The following USH2A variants were observed in gnomAD, a reference collection of about 807,000 sequenced individuals.
The protein encoded by USH2A is Usher syndrome 2A (autosomal recessive, mild).
USH2A carries 443 observed loss-of-function variants against 538.9 expected under a neutral mutation model. The ratio of observed to expected loss-of-function variants is 0.82; its 90% CI spans 0.76 to 0.89. The LOEUF is 0.89. Among genes scored for constraint, USH2A ranks in the 40% least tolerant of loss-of-function variants. The pLI is 0.00. For synonymous variants in USH2A, 2,413 were observed against 2,273.5 expected, an observed-to-expected ratio of 1.06 and a Z score of -1.75; for missense variants, 6,633 against 6,324.8, an observed-to-expected ratio of 1.05 and a Z score of -1.65.
rs576281877 is a variant in USH2A, at chr1:216,215,985, G to A, written c.3157+1402C>T. Among the ~76,000 whole-genome samples, 193 of 152,182 alleles carry A rather than the reference G, an allele frequency of 1.3e-3. 1 individual carries two copies. Among genetic ancestry groups the A allele is most frequent in the African/African-American group, 4.5e-3 (185 of 41,544 alleles). On this transcript the variant is annotated intron_variant, in intron 15 of 71. Coordinates refer to ENST00000307340, the MANE Select transcript of USH2A (RefSeq NM_206933.4). ...GAAGGAATAGGTAGCAAAAAGTAGA[G>A]CAGGTGCCAATATTGTCACAAAATT...
At chr1:215,929,861 A>T (rs974159003) in intron 38 of USH2A, among the ~76,000 whole-genome samples, 6 of 152,086 alleles carry the variant, frequency 3.9e-5, no homozygotes, top group Admixed American at 2.0e-4. Context: ...GATGTGCCTA[A>T]GTTTTACTTC....
At chr1:215,686,577 T>G (rs1658429450) in intron 61 of USH2A, among the ~76,000 whole-genome samples, 1 of 152,020 alleles carries the variant, frequency 6.6e-6, no homozygotes, top group East Asian at 1.9e-4. Flanking sequence ...ACTGCATTTG[T>G]TAGGAAACAA....
chr1:216,345,706 T>C (rs953787059), intron 4 of USH2A, among the ~76,000 whole-genome samples: 1 of 152,114 alleles, frequency 6.6e-6, no homozygotes, highest in Non-Finnish European at 1.5e-5. Context: ...GAGGGGTACC[T>C]TAGGATAGAA....
At chr1:216,149,979 C>T (rs912500517) in intron 21 of USH2A, among the ~76,000 whole-genome samples, 2 of 152,114 alleles carry the variant, frequency 1.3e-5, no homozygotes, top group Admixed American at 6.5e-5. Flanking sequence ...TAAACTCACT[C>T]GTATTTCTGA....
chr1:216,369,815 C>T (rs144014205), intron 3 of USH2A, among the ~76,000 whole-genome samples: 1,654 of 149,692 alleles, frequency 0.011, 39 homozygotes, highest in African/African-American at 0.039. Context: ...CCCAGCTACT[C>T]GGGAGGCTGA....
chr1:216,020,610 C>A (rs1392550351), intron 32 of USH2A, among the ~76,000 whole-genome samples: 3 of 152,060 alleles, frequency 2.0e-5, no homozygotes, highest in Non-Finnish European at 2.9e-5. Context: ...TGTCAGACGG[C>A]CCCTAGACTA....
intron 30 of USH2A, among the ~76,000 whole-genome samples, chr1:216,065,694 C>A (rs956121733): frequency 3.3e-5 from 5 of 151,918 alleles, no homozygotes; most frequent in African/African-American, 1.2e-4. Context: ...GTCAGGAGTT[C>A]GAGACCAGCC....
At chr1:215,963,921 G>A (rs1667265194) in intron 37 of USH2A, among the ~76,000 whole-genome samples, 1 of 152,100 alleles carries the variant, frequency 6.6e-6, no homozygotes, top group African/African-American at 2.4e-5. Context: ...AAACTTCTCA[G>A]TGGAAAGAAC....
At chr1:215,902,873 GA>G (rs1161156239) in intron 38 of USH2A, among the ~76,000 whole-genome samples, 1 of 152,018 alleles carries the variant, frequency 6.6e-6, no homozygotes, top group Non-Finnish European at 1.5e-5. Flanking sequence ...AGAGGGAGAG[GA>G]AAAGTCTTCA....
chr1:216,398,011 G>C (rs542948293), intron 3 of USH2A, among the ~76,000 whole-genome samples: 10 of 152,244 alleles, frequency 6.6e-5, no homozygotes, highest in African/African-American at 2.4e-4. Context: ...CGCAATATTT[G>C]ACAAGCATAT....
intron 32 of USH2A, among the ~76,000 whole-genome samples, chr1:216,026,007 G>A (rs1278759899): frequency 6.6e-6 from 1 of 152,054 alleles, no homozygotes; most frequent in Non-Finnish European, 1.5e-5. Context: ...CAAGAATATT[G>A]TCATTGCAAA....
chr1:215,979,648 T>C (rs1667703656), intron 35 of USH2A, among the ~76,000 whole-genome samples: 1 of 152,124 alleles, frequency 6.6e-6, no homozygotes, highest in Admixed American at 6.6e-5. Flanking sequence ...ATGCTGCATT[T>C]CAGCAGTAGT....
intron 21 of USH2A, among the ~76,000 whole-genome samples, chr1:216,136,237 G>C (rs1411310830): frequency 1.3e-5 from 2 of 152,062 alleles, no homozygotes; most frequent in African/African-American, 4.8e-5. Flanking sequence ...AAACAAGATT[G>C]CTATGCTATC....
intron 38 of USH2A, among the ~76,000 whole-genome samples, chr1:215,918,637 T>C (rs1293103009): frequency 6.6e-6 from 1 of 152,126 alleles, no homozygotes; most frequent in Non-Finnish European, 1.5e-5. Context: ...CAACATGCCA[T>C]TAATTTCACA....
chr1:215,948,453 C>A (rs1228198887), intron 37 of USH2A, among the ~76,000 whole-genome samples: 1 of 151,128 alleles, frequency 6.6e-6, no homozygotes, highest in Admixed American at 6.6e-5. Context: ...TACACACACA[C>A]ACACACACAC....
intron 17 of USH2A, 120 bp from the exon 18 acceptor site, chr1:216,198,704 C>T: frequency 1.1e-6 from 1 of 915,478 alleles, no homozygotes; most frequent in Non-Finnish European, 1.7e-6. Context: ...AATTAGATTA[C>T]TGTCAATTTC....
chr1:216,422,466 G>A lies in USH2A; in HGVS notation c.-130C>T. ...TGCGATACTCCATTTTCTGGAAACT[G>A]CAGACACGTTCTCAGAGTAAGGTAA... On this transcript the variant is annotated 5_prime_UTR_variant, in exon 2 of 72. Transcript: ENST00000307340. 6 of 1,350,358 alleles carry A rather than the reference G, an allele frequency of 4.4e-6. No homozygotes were observed. Among genetic ancestry groups the A allele is most frequent in the Non-Finnish European group, 6.2e-6 (6 of 972,528 alleles). 83.6% of individuals were successfully genotyped at this position (1,350,358 alleles called of 1,614,324 possible).
At chr1:215,953,538 C>T (rs1434278068) in intron 37 of USH2A, among the ~76,000 whole-genome samples, 1 of 152,112 alleles carries the variant, frequency 6.6e-6, no homozygotes, top group Non-Finnish European at 1.5e-5. Context: ...GGATCCCTTC[C>T]TTACACCTTA....
chr1:215,780,308 A>T (rs1170165534), intron 54 of USH2A, among the ~76,000 whole-genome samples: 2 of 152,160 alleles, frequency 1.3e-5, no homozygotes, highest in Admixed American at 6.5e-5. Flanking sequence ...TGCAGCCCTC[A>T]GTGTTTAAAC....
Sources: gnomAD v4.1 joint callset for allele counts (sites outside exome capture counted in the v4.1 genomes callset) on GRCh38, gnomAD v4.1.1 for gene constraint, MANE v1.5 for transcripts, NCBI Gene and HGNC (gene_info 2026-07-23, HGNC 2026-07-21) for gene names.